The following USH2A variants were observed in gnomAD, a reference collection of about 807,000 sequenced individuals.
The protein encoded by USH2A is usherin, also known as Usher syndrome 2A (autosomal recessive, mild).
In USH2A, 443 loss-of-function variants were observed where a neutral mutation model predicts 538.9. The ratio of observed to expected loss-of-function variants is 0.82; its 90% CI spans 0.76 to 0.89. USH2A has a LOEUF of 0.89. USH2A is among the 40% of genes least tolerant of loss of function. The pLI is 0.00. For synonymous variants in USH2A, 2,413 were observed against 2,273.5 expected (o/e 1.06, Z -1.75); for missense variants, 6,633 against 6,324.8 (o/e 1.05, Z -1.65).
intron 40 of USH2A, among the ~76,000 whole-genome samples, chr1:215,897,053 A>T (rs1156574627): frequency 6.6e-6 from 1 of 152,096 alleles, no homozygotes; most frequent in African/African-American, 2.4e-5. Flanking sequence ...GGTGTAAATG[A>T]CAAATTATTT....
At chr1:216,177,096 T>C (rs2034403077) in intron 20 of USH2A, among the ~76,000 whole-genome samples, 1 of 152,162 alleles carries the variant, frequency 6.6e-6, no homozygotes, top group Non-Finnish European at 1.5e-5. Flanking sequence ...GCAATTGCTG[T>C]ATCATATGGT....
chr1:215,913,766 A>G (rs1320182749), intron 38 of USH2A, among the ~76,000 whole-genome samples: 1 of 151,976 alleles, frequency 6.6e-6, no homozygotes, highest in Non-Finnish European at 1.5e-5. Context: ...AGTTGAGTGC[A>G]GAATGTGAAA....
chr1:215,940,005 A>T (rs1270727853), intron 37 of USH2A, among the ~76,000 whole-genome samples: 1 of 152,140 alleles, frequency 6.6e-6, no homozygotes, highest in African/African-American at 2.4e-5. Flanking sequence ...TGTGACAAAG[A>T]TTGTAACAGG....
intron 21 of USH2A, among the ~76,000 whole-genome samples, chr1:216,099,072 G>A (rs934450785): frequency 2.0e-5 from 3 of 152,232 alleles, no homozygotes; most frequent in African/African-American, 7.2e-5. Context: ...TTTAGTCACA[G>A]CAAAGGTTAA....
chr1:216,094,341 G>A (rs1186435886), intron 22 of USH2A, among the ~76,000 whole-genome samples: 1 of 151,982 alleles, frequency 6.6e-6, no homozygotes, highest in Admixed American at 6.6e-5. Context: ...AAAACAAAAC[G>A]TCAGTATAAT....
rs1026389877 is a variant in USH2A at position 216,130,650 on chromosome 1, CAT to C, written c.4628-33439_4628-33438del. The stretch of plus-strand genomic sequence containing the variant: ...TATATCTATACTATACATATACACA[CAT>C]ATATATATGCAATATATATCACGTA... On this transcript the variant is annotated intron_variant, in intron 21 of 71. Transcript: ENST00000307340. Among the ~76,000 whole-genome samples, 7 of 146,402 alleles carry C rather than the reference CAT, an allele frequency of 4.8e-5. No homozygotes were observed. The East Asian group carries it at 9.8e-4, about 21-fold the overall frequency.
chr1:216,226,901 T>C (rs115764900), intron 14 of USH2A, among the ~76,000 whole-genome samples: 2,206 of 152,228 alleles, frequency 0.014, 23 homozygotes, highest in Non-Finnish European at 0.022. Context: ...AGCTTACCTA[T>C]CCAAACCTGG....
intron 21 of USH2A, among the ~76,000 whole-genome samples, chr1:216,144,459 C>T (rs1370527313): frequency 1.3e-5 from 2 of 151,370 alleles, no homozygotes; most frequent in East Asian, 1.9e-4. Context: ...ATATCATTGG[C>T]TAAAATAAAT....
intron 61 of USH2A, among the ~76,000 whole-genome samples, chr1:215,721,305 C>T (rs1659653585): frequency 1.3e-5 from 2 of 152,146 alleles, no homozygotes; most frequent in Non-Finnish European, 2.9e-5. Flanking sequence ...GAACGCCTGA[C>T]CTCAGGTAAT....
chr1:216,352,092 G>A (rs575566331), intron 4 of USH2A, among the ~76,000 whole-genome samples: 2 of 152,206 alleles, frequency 1.3e-5, no homozygotes, highest in East Asian at 3.9e-4. Flanking sequence ...TAACAGAGTC[G>A]TCTGGAGTTC....
At chr1:216,284,496 G>A (rs2036844879) in intron 11 of USH2A, among the ~76,000 whole-genome samples, 1 of 152,172 alleles carries the variant, frequency 6.6e-6, no homozygotes, top group African/African-American at 2.4e-5. Context: ...GGAACTATAA[G>A]TCAATTAACA....
chr1:216,128,685 A>T (rs897208624), intron 21 of USH2A, among the ~76,000 whole-genome samples: 4 of 152,120 alleles, frequency 2.6e-5, no homozygotes, highest in Non-Finnish European at 4.4e-5. Flanking sequence ...ACAATGTATA[A>T]TGATCAAATC....
At chr1:215,982,318 C>A (rs369930488) in intron 35 of USH2A, among the ~76,000 whole-genome samples, 1 of 152,214 alleles carries the variant, frequency 6.6e-6, no homozygotes, top group South Asian at 2.1e-4. Flanking sequence ...AGAAGGGACA[C>A]ACACAGAACT....
intron 21 of USH2A, among the ~76,000 whole-genome samples, chr1:216,172,584 G>A (rs2034293453): frequency 6.6e-6 from 1 of 152,012 alleles, no homozygotes; most frequent in South Asian, 2.1e-4. Flanking sequence ...TGAGTTGAAA[G>A]CACTGTTTTA....
intron 21 of USH2A, among the ~76,000 whole-genome samples, chr1:216,142,954 C>T (rs1437014755): frequency 6.6e-6 from 1 of 152,176 alleles, no homozygotes; most frequent in East Asian, 1.9e-4. Flanking sequence ...GGTCCCTCTT[C>T]TCTCCATAAC....
At position 215,867,134 on chromosome 1, in the gene USH2A, G is replaced by GTTGTGT; in HGVS notation, c.8712_8717dup (p.His2905_Asn2906insLysHis). On this transcript the variant is annotated inframe_insertion, in exon 44 of 72. Transcript: ENST00000307340. ...CTCGGCTCGGTGTAAAACCCACACTGTTGTGTACGAAGAGCATATATTCAT... is the reference window on the plus strand; with the variant it reads ...CTCGGCTCGGTGTAAAACCCACACTGTTGTGTTTGTGTACGAAGAGCATATATTCAT... 6.2e-7 allele frequency: 1 copy of GTTGTGT among 1,614,084 alleles called. No homozygotes were observed. Among genetic ancestry groups the GTTGTGT allele is most frequent in the Non-Finnish European group, 8.5e-7 (1 of 1,179,998 alleles).
intron 4 of USH2A, among the ~76,000 whole-genome samples, chr1:216,328,537 T>A (rs1161207895): frequency 6.6e-6 from 1 of 152,134 alleles, no homozygotes; most frequent in African/African-American, 2.4e-5. Context: ...GCAATTTTAA[T>A]CATCAAATGA....
At chr1:215,878,283 A>G (rs1664825662) in intron 42 of USH2A, among the ~76,000 whole-genome samples, 2 of 152,168 alleles carry the variant, frequency 1.3e-5, no homozygotes, top group Admixed American at 6.6e-5. Flanking sequence ...TTGGCCAAGT[A>G]TCAAGTTTGG....
chr1:215,822,076 T>G (rs1663031057), intron 47 of USH2A, among the ~76,000 whole-genome samples: 1 of 151,970 alleles, frequency 6.6e-6, no homozygotes, highest in Non-Finnish European at 1.5e-5. Flanking sequence ...GCTTTGTCTT[T>G]TTTTTACTCA....
Sources: gnomAD v4.1 joint callset for allele counts (sites outside exome capture counted in the v4.1 genomes callset) on GRCh38, gnomAD v4.1.1 for gene constraint, MANE v1.5 for transcripts, NCBI Gene and HGNC (gene_info 2026-07-23, HGNC 2026-07-21) for gene names.